The following GRTP1 variants were observed in gnomAD, a reference collection of about 807,000 sequenced individuals.
GRTP1 encodes growth hormone regulated TBC protein 1.
GRTP1 carries 56 observed loss-of-function variants against 38.1 expected under a neutral mutation model. The ratio of observed to expected loss-of-function variants is 1.47; its 90% CI spans 1.19 to 1.84. GRTP1 has a LOEUF of 1.84. GRTP1 is among the 40% of genes most tolerant of loss of function. The pLI, the probability that GRTP1 is intolerant of heterozygous loss-of-function variation, is 0.00. For missense variants in GRTP1, 506 were observed against 453.9 expected (o/e 1.11, Z -1.04); for synonymous variants, 217 against 189.5 (o/e 1.14, Z -1.19).
At chr13:113,351,096 G>C (rs1036574708) in intron 3 of GRTP1, 123 bp from the exon 4 acceptor site, 1 of 1,265,486 alleles carries the variant, frequency 7.9e-7, no homozygotes, top group Non-Finnish European at 1.1e-6. Flanking sequence ...TTTCACCCTG[G>C]CCGCACAGCA....
chr13:113,340,109 A>G (rs1310377952), intron 5 of GRTP1, among the ~76,000 whole-genome samples: 2 of 149,276 alleles, frequency 1.3e-5, no homozygotes, highest in African/African-American at 4.9e-5. Flanking sequence ...CCTTAGCTCA[A>G]GTGATCCTCC....
intron 3 of GRTP1, among the ~76,000 whole-genome samples, chr13:113,352,140 C>T (rs2043278712): frequency 6.8e-6 from 1 of 147,642 alleles, no homozygotes; most frequent in South Asian, 2.1e-4. Context: ...AAAATGGAAT[C>T]AGTCAAGGGG....
intron 2 of GRTP1, among the ~76,000 whole-genome samples, chr13:113,356,782 T>C (rs2043395697): frequency 6.6e-6 from 1 of 152,094 alleles, no homozygotes; most frequent in Non-Finnish European, 1.5e-5. Context: ...TCCAAGGTGA[T>C]CCACAATGTA....
At chr13:113,338,714 C>T (rs1417546564) in intron 5 of GRTP1, among the ~76,000 whole-genome samples, 6 of 152,160 alleles carry the variant, frequency 3.9e-5, no homozygotes, top group East Asian at 1.9e-4. Flanking sequence ...TTTTGTGTCA[C>T]GGGCCTGGAG....
chr13:113,325,454 G>T (rs1231843682), intron 7 of GRTP1: 1 of 1,447,674 alleles, frequency 6.9e-7, no homozygotes, highest in African/African-American at 1.4e-5. Context: ...CAGTGCCAGG[G>T]CCAAGAAGAC....
At chr13:113,333,416 C>T (rs1306814148) in intron 5 of GRTP1, among the ~76,000 whole-genome samples, 2 of 152,206 alleles carry the variant, frequency 1.3e-5, no homozygotes, top group Non-Finnish European at 2.9e-5. Flanking sequence ...ACCACTGCAC[C>T]GTACGCTTGA....
At chr13:113,346,175 C>CA (rs2043118246) in intron 4 of GRTP1, among the ~76,000 whole-genome samples, 1 of 135,732 alleles carries the variant, frequency 7.4e-6, no homozygotes, top group African/African-American at 2.9e-5. Flanking sequence ...ACAGTGGACC[C>CA]GGGAGGACCT....
At chr13:113,352,883 C>T (rs938088428) in intron 3 of GRTP1, among the ~76,000 whole-genome samples, 14 of 152,250 alleles carry the variant, frequency 9.2e-5, no homozygotes, top group African/African-American at 3.1e-4. Context: ...CCAGCAGCCC[C>T]ACACTCTAGG....
rs955506882 is a variant in GRTP1 at position 113,327,689 on chromosome 13, C to A, written c.563-1598G>T. Among the ~76,000 whole-genome samples the A allele has an allele frequency of 7.2e-5, 11 of 152,368 alleles. No individual in the cohort carries two copies. The East Asian group carries it at 2.1e-3, about 29-fold the overall frequency. ...CTCCCTTCCATATCCTTGTTCTGCA[C>A]CTGCCACTGGGGTTCTGAGCGCTTT... On this transcript the variant is annotated intron_variant, in intron 5 of 7. Coordinates refer to ENST00000375431, the MANE Select transcript of GRTP1 (RefSeq NM_024719.4).
At chr13:113,326,677 AC>A (rs1210551093) in intron 5 of GRTP1, among the ~76,000 whole-genome samples, 3 of 132,444 alleles carry the variant, frequency 2.3e-5, no homozygotes, top group African/African-American at 1.3e-4. Flanking sequence ...TCTCAAAAAA[AC>A]AAACAAACAA....
At chr13:113,332,234 C>T (rs1362631697) in intron 5 of GRTP1, among the ~76,000 whole-genome samples, 1 of 150,926 alleles carries the variant, frequency 6.6e-6, no homozygotes, top group African/African-American at 2.5e-5. Context: ...ACGCACACCA[C>T]ACACAGGTAC....
Position 113,348,272 on chromosome 13 carries a change from C to T in GRTP1, c.465+2577G>A, listed in dbSNP as rs183313905. ...TTCAAGACCAGCCTGGGCAATGTGGCAAAACCCCGATCTCTACAAAACATA... is the reference window on the plus strand; with the variant it reads ...TTCAAGACCAGCCTGGGCAATGTGGTAAAACCCCGATCTCTACAAAACATA... On this transcript the variant is annotated intron_variant, in intron 4 of 7. Coordinates refer to ENST00000375431, the MANE Select transcript of GRTP1 (RefSeq NM_024719.4). This position sits in a 1 kb window ranked among gnomAD's most constrained non-coding sequence, Gnocchi z 4.8. Among the ~76,000 whole-genome samples the T allele has an allele frequency of 3.4e-4, 52 of 152,226 alleles. No individual in the cohort carries two copies. Among genetic ancestry groups the T allele is most frequent in the Admixed American group, 3.4e-3 (52 of 15,294 alleles).
At chr13:113,344,762 A>G in intron 5 of GRTP1, 101 bp downstream of exon 5, 1 of 1,140,922 alleles carries the variant, frequency 8.8e-7, no homozygotes, top group South Asian at 1.4e-5. Context: ...CTCCCAAACA[A>G]TTCAACCATG....
At chr13:113,335,970 T>C (rs529902007) in intron 5 of GRTP1, among the ~76,000 whole-genome samples, 1 of 152,204 alleles carries the variant, frequency 6.6e-6, no homozygotes, top group African/African-American at 2.4e-5. Flanking sequence ...TTTTTGTATT[T>C]TAGTAGAGAA....
At chr13:113,346,914 G>A (rs576632568) in intron 4 of GRTP1, among the ~76,000 whole-genome samples, 5 of 170 alleles carry the variant, frequency 0.029, 1 homozygote, top group Non-Finnish European at 0.083. Flanking sequence ...GGCTGAGAGC[G>A]GACCTGGGAG....
At position 113,324,411 on chromosome 13, in the gene GRTP1, G is replaced by A; in HGVS notation, c.*77C>T. Reference sequence around the variant, plus strand: ...ATTTACAACACTAAAAAGGAAAGCAGTGAAAGTTGGTCCAGTGTCAACTCT... The same window carrying A: ...ATTTACAACACTAAAAAGGAAAGCAATGAAAGTTGGTCCAGTGTCAACTCT... On this transcript the variant is annotated 3_prime_UTR_variant, in exon 8 of 8. Coordinates refer to ENST00000375431, the MANE Select transcript of GRTP1 (RefSeq NM_024719.4). 1 of 1,436,918 alleles carries A rather than the reference G, an allele frequency of 7.0e-7. No homozygotes were observed. The highest frequency in any genetic ancestry group is 1.5e-5 in the African/African-American group (1 of 68,674). The allele number at this position is 1,436,918 out of a possible 1,614,324, so 89.0% of individuals were successfully genotyped here.
At chr13:113,325,452 G>C in intron 7 of GRTP1, 1 of 1,447,218 alleles carries the variant, frequency 6.9e-7, no homozygotes, top group South Asian at 1.5e-5. Flanking sequence ...CGCAGTGCCA[G>C]GGCCAAGAAG....
intron 5 of GRTP1, among the ~76,000 whole-genome samples, chr13:113,328,916 G>A (rs970783961): frequency 1.3e-5 from 2 of 149,460 alleles, no homozygotes; most frequent in South Asian, 2.1e-4. Flanking sequence ...TCCCTTCCCC[G>A]CCCAGAAGCC....
chr13:113,326,172 A>G, intron 5 of GRTP1, 81 bp from the exon 6 acceptor site: 2 of 1,542,590 alleles, frequency 1.3e-6, no homozygotes, highest in Admixed American at 1.8e-5. Context: ...CCAGACAAAG[A>G]CAACAGGGCC....
Sources: allele counts gnomAD v4.1 joint callset (sites outside exome capture counted in the v4.1 genomes callset), GRCh38; gene constraint gnomAD v4.1.1; non-coding constraint Gnocchi (gnomAD v3.1); transcripts MANE v1.5; gene names NCBI Gene and HGNC (gene_info 2026-07-23, HGNC 2026-07-21).